CDK5RAP2: variants seen among roughly 807,000 people sequenced by gnomAD.
CDK5RAP2 encodes the protein CDK5 regulatory subunit associated protein 2.
In CDK5RAP2, 147 loss-of-function variants were observed where a neutral mutation model predicts 232.9. The observed-to-expected ratio is 0.63, with a 90% confidence interval of 0.55 to 0.72. CDK5RAP2 has a LOEUF of 0.72. Ranked by LOEUF, CDK5RAP2 falls within the 30% of genes least tolerant of loss-of-function variation. CDK5RAP2 has a pLI of 0.00. For missense variants in CDK5RAP2, 2,195 were observed against 2,231.5 expected (o/e 0.98, Z 0.33); for synonymous variants, 833 against 833.7 (o/e 1.00, Z 0.01).
chr9:120,540,591 A>G (rs772871435), intron 5 of CDK5RAP2, among the ~76,000 whole-genome samples: 9 of 152,236 alleles, frequency 5.9e-5, no homozygotes, highest in Non-Finnish European at 1.3e-4. Context: ...AATGGAATTC[A>G]ATGTGAACAA....
intron 23 of CDK5RAP2, 113 bp downstream of exon 23, chr9:120,443,507 T>C: frequency 8.3e-7 from 1 of 1,211,894 alleles, no homozygotes; most frequent in Non-Finnish European, 1.2e-6. Context: ...ACTGGAATGA[T>C]AATAATGCCC....
chr9:120,504,774 C>T (rs1214089669), intron 12 of CDK5RAP2, among the ~76,000 whole-genome samples: 2 of 152,234 alleles, frequency 1.3e-5, no homozygotes, highest in Non-Finnish European at 2.9e-5. Context: ...CCAACCACTT[C>T]ATTAACATAC....
chr9:120,409,783 A>T (rs1387529871), intron 29 of CDK5RAP2, among the ~76,000 whole-genome samples: 1 of 152,258 alleles, frequency 6.6e-6, no homozygotes, highest in Non-Finnish European at 1.5e-5. Context: ...GAGGCACAAG[A>T]GACACTGTGG....
chr9:120,466,891 G>C (rs1361853285), intron 18 of CDK5RAP2, among the ~76,000 whole-genome samples: 1 of 152,234 alleles, frequency 6.6e-6, no homozygotes, highest in Non-Finnish European at 1.5e-5. Flanking sequence ...TAGAGCAGAA[G>C]ACAACCCCAA....
intron 14 of CDK5RAP2, among the ~76,000 whole-genome samples, chr9:120,482,822 C>G (rs1422991407): frequency 6.6e-6 from 1 of 152,212 alleles, no homozygotes; most frequent in African/African-American, 2.4e-5. Flanking sequence ...GGAAGTCAGA[C>G]TGAGTCAAAG....
chr9:120,539,144 G>A lies in CDK5RAP2; in HGVS notation c.404C>T (p.Ala135Val), dbSNP rs1401856165. The A allele has an allele frequency of 3.1e-6, 5 of 1,613,826 alleles. No individual in the cohort carries two copies. The highest frequency in any genetic ancestry group is 4.2e-6 in the Non-Finnish European group (5 of 1,179,896). The change falls in exon 6 of 38, where the codon GCT (alanine) becomes GTT (valine). Residue 135 changes from alanine (A) to valine (V), a missense_variant. Physicochemically the swap from Ala to Val is moderately conservative, Grantham distance 64 (BLOSUM62 0). Coordinates refer to ENST00000349780, the MANE Select transcript of CDK5RAP2 (RefSeq NM_018249.6). The stretch of plus-strand genomic sequence containing the variant: ...CTGGATTTCAGAGCCACCTGCTTCA[G>A]CTAAGCTCTCAACTGCTTTGCTGCA... ...IKASKAVESL[A>V]EAGGSEIQRV... is the part of the protein sequence containing the mutation.
chr9:120,394,491 G>T, intron 36 of CDK5RAP2, 21 bp downstream of exon 36: 2 of 1,613,916 alleles, frequency 1.2e-6, no homozygotes, highest in Non-Finnish European at 1.7e-6. Context: ...AGGCATAGCG[G>T]CCACCCCCAC....
rs138978352 is a variant in CDK5RAP2, at chr9:120,510,245, G to A, written c.1311+8182C>T. On this transcript the variant is annotated intron_variant, in intron 12 of 37. Transcript: ENST00000349780. ...CAAAGCACATGGGATTAGCCAGCTGGGTGACCGGTACGACTTTAATTAGAT... is the reference window on the plus strand; with the variant it reads ...CAAAGCACATGGGATTAGCCAGCTGAGTGACCGGTACGACTTTAATTAGAT... Among the ~76,000 whole-genome samples the A allele has an allele frequency of 1.4e-4, 21 of 152,246 alleles. No homozygotes were observed. In the East Asian group the frequency reaches 4.0e-3, roughly 29 times the overall value.
chr9:120,515,652 T>C (rs570797664), intron 12 of CDK5RAP2, among the ~76,000 whole-genome samples: 4 of 152,158 alleles, frequency 2.6e-5, no homozygotes, highest in Admixed American at 6.5e-5. Context: ...TTTGGCAACA[T>C]AATTAACCAG....
At chr9:120,509,648 C>A (rs2039988076) in intron 12 of CDK5RAP2, among the ~76,000 whole-genome samples, 1 of 152,190 alleles carries the variant, frequency 6.6e-6, no homozygotes, top group Admixed American at 6.5e-5. Flanking sequence ...GAGGCCAAGG[C>A]ATCATCATCA....
chr9:120,496,736 T>G (rs1468702965), intron 12 of CDK5RAP2, among the ~76,000 whole-genome samples: 4 of 98,966 alleles, frequency 4.0e-5, no homozygotes, highest in Admixed American at 2.1e-4. Context: ...GGAGGGAGGT[T>G]GGGGGGTCAG....
At chr9:120,528,959 C>T in intron 8 of CDK5RAP2, 162 bp from the exon 9 acceptor site, 1 of 653,314 alleles carries the variant, frequency 1.5e-6, no homozygotes, top group Non-Finnish European at 2.8e-6. Context: ...CACCCAAAGC[C>T]CTGCCTGATT....
At chr9:120,407,793 G>T (rs1888893) in intron 31 of CDK5RAP2, 2,282 of 180,746 alleles carry the variant, frequency 0.013, 31 homozygotes, top group African/African-American at 0.041. Flanking sequence ...CTCTGAGCTG[G>T]TATCTCTCCT....
intron 36 of CDK5RAP2, among the ~76,000 whole-genome samples, chr9:120,393,052 C>G (rs78143666): frequency 0.013 from 2,040 of 152,318 alleles, 49 homozygotes; most frequent in African/African-American, 0.046. Context: ...AAGCATGTCC[C>G]TGAGCACTCA....
At chr9:120,492,969 T>A (rs2038980558) in intron 12 of CDK5RAP2, among the ~76,000 whole-genome samples, 2 of 152,242 alleles carry the variant, frequency 1.3e-5, no homozygotes, top group Admixed American at 1.3e-4. Flanking sequence ...TCCTCCCTGG[T>A]ATCCAGACTA....
chr9:120,516,349 C>G (rs2040337223), intron 12 of CDK5RAP2, among the ~76,000 whole-genome samples: 1 of 124,810 alleles, frequency 8.0e-6, no homozygotes, highest in African/African-American at 3.2e-5. Flanking sequence ...GGGAACATCA[C>G]ACTCCGGGGA....
chr9:120,461,723 T>C (rs1172744665), intron 18 of CDK5RAP2, among the ~76,000 whole-genome samples: 1 of 151,876 alleles, frequency 6.6e-6, no homozygotes. Flanking sequence ...ATGCCTGTAG[T>C]CCCAGCTACT....
chr9:120,439,562 C>G lies in CDK5RAP2; in HGVS notation c.3559G>C (p.Gly1187Arg). ...VRYVKHVKILGPLAPEMIDSR... is the reference protein window; with the variant it reads ...VRYVKHVKILRPLAPEMIDSR... ...TCAATCATCTCTGGGGCCAGCGGAC[C>G]GAGGATTTTCACGTGTTTCACGTAT... Residue 1187 changes from glycine (G) to arginine (R), a missense_variant, in exon 24 of 38, where the codon GGT (glycine) becomes CGT (arginine). Physicochemically the swap from Gly to Arg is moderately radical, Grantham distance 125. Transcript: ENST00000349780. 1 of 1,614,204 alleles carries G rather than the reference C, an allele frequency of 6.2e-7. No individual in the cohort carries two copies. The highest frequency in any genetic ancestry group is 8.5e-7 in the Non-Finnish European group (1 of 1,180,040).
intron 25 of CDK5RAP2, among the ~76,000 whole-genome samples, chr9:120,424,331 G>C (rs927135264): frequency 1.3e-4 from 20 of 152,186 alleles, no homozygotes; most frequent in African/African-American, 4.8e-4. Context: ...TTGAAAGGTA[G>C]ATAGAGGTTG....
Sources: gnomAD v4.1 joint callset for allele counts (sites outside exome capture counted in the v4.1 genomes callset) on GRCh38, gnomAD v4.1.1 for gene constraint, MANE v1.5 for transcripts, NCBI Gene and HGNC (gene_info 2026-07-23, HGNC 2026-07-21) for gene names.